Variants in BST1 observed in about 807,000 individuals in gnomAD.
The protein encoded by BST1 is bone marrow stromal cell antigen 1.
A neutral mutation model predicts 40.6 loss-of-function variants in BST1; 49 were observed. The ratio of observed to expected loss-of-function variants is 1.21; its 90% CI spans 0.96 to 1.53. BST1 has a LOEUF of 1.53. Among genes scored for constraint, BST1 ranks in the 40% most tolerant of loss-of-function variants. The pLI is 0.00. For missense variants in BST1, 423 were observed against 395.9 expected (o/e 1.07, Z -0.58); for synonymous variants, 157 against 159.3 (o/e 0.99, Z 0.11).
At chr4:15,739,554 C>CAT (rs544087256), downstream of BST1, among the ~76,000 whole-genome samples, 2 of 143,942 alleles carry the variant, frequency 1.4e-5, no homozygotes, top group East Asian at 2.0e-4. Context: ...GAAGCCAAAC[C>CAT]GTGTGTGTGT....
At chr4:15,723,257 G>T (rs532790316) in intron 8 of BST1, among the ~76,000 whole-genome samples, 1 of 151,604 alleles carries the variant, frequency 6.6e-6, no homozygotes, top group South Asian at 2.1e-4. Flanking sequence ...TTTTTTTTTG[G>T]GAGGCGGGGG....
chr4:15,731,492 C>T (rs1448899430), intron 8 of BST1: 3 of 990,998 alleles, frequency 3.0e-6, no homozygotes, highest in Non-Finnish European at 4.7e-6. Flanking sequence ...AGCGCTTGTC[C>T]TTCTGGGGAG....
At chr4:15,745,286 A>AC in the BST1 span, among the ~76,000 whole-genome samples, 1 of 152,208 alleles carries the variant, frequency 6.6e-6, no homozygotes, top group Non-Finnish European at 1.5e-5. Context: ...AAATTATGAC[A>AC]CCAATATTTT....
intron 1 of BST1, among the ~76,000 whole-genome samples, chr4:15,704,605 TGAAGGAGGGTGGAGAGGTATCCCTCTA>T (rs1362733308): frequency 2.0e-5 from 3 of 151,784 alleles, no homozygotes; most frequent in Non-Finnish European, 2.9e-5. Context: ...TGTGTGAGTG[TGAAGGAGGGTGGAGAGGTATCCCTCTA>T]GAAGTGAGGG....
At position 15,724,552 on chromosome 4, in the gene BST1, G is replaced by A. The variant is rs146376020; in HGVS notation, c.851+1618G>A. On this transcript the variant is annotated intron_variant, in intron 8 of 8. Coordinates refer to ENST00000265016, the MANE Select transcript of BST1 (RefSeq NM_004334.3). ...ATACAAAACATTAGCCAGGAGTGGT[G>A]GTGCGTGCCTGTAACCCCAGCTACT... is the stretch of plus-strand genomic sequence containing the variant. Among the ~76,000 whole-genome samples, 518 of 152,242 alleles carry A rather than the reference G, an allele frequency of 3.4e-3. 1 individual carries two copies. The highest frequency in any genetic ancestry group is 5.5e-3 in the Non-Finnish European group (373 of 68,010).
At chr4:15,704,230 G>A (rs530936056) in intron 1 of BST1, among the ~76,000 whole-genome samples, 1 of 145,874 alleles carries the variant, frequency 6.9e-6, no homozygotes, top group East Asian at 2.1e-4. Context: ...TAGAGCTGAG[G>A]AGAGTGTGTG....
intron 8 of BST1, among the ~76,000 whole-genome samples, chr4:15,724,292 T>G (rs752473446): frequency 1.3e-5 from 2 of 152,228 alleles, no homozygotes; most frequent in Non-Finnish European, 2.9e-5. Context: ...TTCTTCCATC[T>G]ACAAGGGAAG....
intron 8 of BST1, among the ~76,000 whole-genome samples, chr4:15,723,173 C>G (rs1043427684): frequency 1.3e-5 from 2 of 152,218 alleles, no homozygotes; most frequent in Non-Finnish European, 2.9e-5. Context: ...TGGGGCCACC[C>G]TTTAAAGTTT....
At chr4:15,755,978 T>C in the BST1 span, among the ~76,000 whole-genome samples, 13,391 of 152,230 alleles carry the variant, frequency 0.088, 905 homozygotes, top group East Asian at 0.22. Flanking sequence ...TGATAGATGA[T>C]GTTAAGGTTC....
chr4:15,720,939 G>A (rs1232996354), intron 7 of BST1, among the ~76,000 whole-genome samples: 1 of 152,238 alleles, frequency 6.6e-6, no homozygotes, highest in Admixed American at 6.5e-5. Context: ...ATTGGGCTGA[G>A]TTATAATAGC....
At chr4:15,743,253 GT>G, downstream of BST1, 6 of 218,922 alleles carry the variant, frequency 2.7e-5, no homozygotes, top group East Asian at 1.6e-4. Flanking sequence ...TCAAGACAAA[GT>G]TTTTGACACT....
At chr4:15,751,607 A>G in the BST1 span, among the ~76,000 whole-genome samples, 1 of 152,072 alleles carries the variant, frequency 6.6e-6, no homozygotes, top group African/African-American at 2.4e-5. Context: ...ATAGATATAC[A>G]CTATATCTAT....
intron 8 of BST1, chr4:15,731,104 G>T: frequency 4.5e-6 from 2 of 442,902 alleles, no homozygotes; most frequent in Middle Eastern, 6.2e-4. Context: ...CTCATTGTCT[G>T]TCCTTTTCAC....
At chr4:15,735,929 T>A, downstream of BST1, 1 of 439,606 alleles carries the variant, frequency 2.3e-6, no homozygotes. Context: ...ATAATGGCTC[T>A]TTACTTGAAA....
the BST1 span, among the ~76,000 whole-genome samples, chr4:15,771,867 A>G: frequency 2.6e-5 from 4 of 152,374 alleles, no homozygotes; most frequent in Middle Eastern, 3.4e-3. Context: ...ACTATACAGT[A>G]GAATTCTAGG....
chr4:15,761,352 C>T, the BST1 span, among the ~76,000 whole-genome samples: 1 of 151,830 alleles, frequency 6.6e-6, no homozygotes, highest in Non-Finnish European at 1.5e-5. Context: ...TTTGCGTTGT[C>T]CTGTGTGCCA....
chr4:15,719,374 A>G (rs1247762108), intron 7 of BST1, among the ~76,000 whole-genome samples: 1 of 152,078 alleles, frequency 6.6e-6, no homozygotes. Flanking sequence ...AGCTTGTTTG[A>G]GGTATTTACA....
At chr4:15,724,685 T>C (rs2148892093) in intron 8 of BST1, among the ~76,000 whole-genome samples, 1 of 149,752 alleles carries the variant, frequency 6.7e-6, no homozygotes, top group Non-Finnish European at 1.5e-5. Flanking sequence ...AAACTCCATC[T>C]CAAAAAATAA....
chr4:15,767,707 A>C, the BST1 span, among the ~76,000 whole-genome samples: 1 of 150,208 alleles, frequency 6.7e-6, no homozygotes, highest in Non-Finnish European at 1.5e-5. Context: ...TTTTTTGGGG[A>C]AGGGGCATAC....
Sources: gnomAD v4.1 joint callset for allele counts (sites outside exome capture counted in the v4.1 genomes callset) on GRCh38, gnomAD v4.1.1 for gene constraint, MANE v1.5 for transcripts, NCBI Gene and HGNC (gene_info 2026-07-23, HGNC 2026-07-21) for gene names.